SGCD: variants seen among roughly 807,000 people sequenced by gnomAD.
The protein encoded by SGCD is sarcoglycan delta.
SGCD carries 18 observed loss-of-function variants against 36.6 expected under a neutral mutation model. The observed-to-expected ratio is 0.49, with a 90% CI of 0.34 to 0.73. The LOEUF is 0.73. SGCD is among the 30% of genes least tolerant of loss of function. SGCD has a pLI of 0.01. For missense variants in SGCD, 387 were observed against 346.7 expected (o/e 1.12, Z -0.92); for synonymous variants, 133 against 130.6 (o/e 1.02, Z -0.12).
At chr5:156,258,232 T>A (rs1172014195) in intron 3 of SGCD, among the ~76,000 whole-genome samples, 1 of 152,212 alleles carries the variant, frequency 6.6e-6, no homozygotes, top group Non-Finnish European at 1.5e-5. Flanking sequence ...ACTCATGCTC[T>A]TTCCTGATGA....
intron 7 of SGCD, among the ~76,000 whole-genome samples, chr5:156,753,898 G>A (rs911656595): frequency 2.6e-5 from 4 of 152,186 alleles, no homozygotes; most frequent in Non-Finnish European, 5.9e-5. Context: ...CCATATCAAG[G>A]AGCTTTATCT....
intron 4 of SGCD, among the ~76,000 whole-genome samples, chr5:156,584,398 T>C (rs1760407586): frequency 6.6e-6 from 1 of 152,216 alleles, no homozygotes; most frequent in Non-Finnish European, 1.5e-5. Context: ...CTATGCCCCC[T>C]GGTAGTTTGT....
In SGCD at chr5:156,337,493, A is replaced by G. The variant is rs540434142; in HGVS notation, c.4-6996A>G. ...TCACCCTCTCCTCTGAGCTCATTCA[A>G]TCCAACTCTTGAGCTTCAGTTCTTC... On this transcript the variant is annotated intron_variant, in intron 2 of 8. Transcript: ENST00000337851. Among the ~76,000 whole-genome samples, 16 of 152,156 alleles carry G rather than the reference A, an allele frequency of 1.1e-4. No individual in the cohort carries two copies. In the South Asian group the frequency reaches 2.9e-3, roughly 28 times the overall value.
At chr5:156,736,059 C>G (rs1156489047) in intron 7 of SGCD, among the ~76,000 whole-genome samples, 2 of 152,146 alleles carry the variant, frequency 1.3e-5, no homozygotes, top group African/African-American at 4.8e-5. Flanking sequence ...CTTGGCTCCA[C>G]ATTCTGCTCC....
At chr5:155,779,603 A>G in the SGCD span, among the ~76,000 whole-genome samples, 69 of 152,162 alleles carry the variant, frequency 4.5e-4, no homozygotes, top group South Asian at 9.3e-3. Context: ...GTCTGTGTTG[A>G]CCATCCTGCA....
intron 1 of SGCD, among the ~76,000 whole-genome samples, chr5:156,041,711 T>A (rs1759639061): frequency 6.6e-6 from 1 of 152,150 alleles, no homozygotes; most frequent in Admixed American, 6.5e-5. Flanking sequence ...GAGGCATGTG[T>A]TGCAGGGCAT....
At chr5:156,077,576 T>C (rs928718803) in intron 1 of SGCD, among the ~76,000 whole-genome samples, 7 of 152,132 alleles carry the variant, frequency 4.6e-5, no homozygotes, top group African/African-American at 1.7e-4. Context: ...TTGTGGAGTT[T>C]TCACTTTTGA....
At chr5:155,981,361 T>C (rs1169463423) in intron 1 of SGCD, among the ~76,000 whole-genome samples, 1 of 152,120 alleles carries the variant, frequency 6.6e-6, no homozygotes, top group Non-Finnish European at 1.5e-5. Flanking sequence ...GTATAATTGG[T>C]TAAACTGCTG....
intron 3 of SGCD, among the ~76,000 whole-genome samples, chr5:156,214,007 A>G (rs963933509): frequency 6.6e-6 from 1 of 152,026 alleles, no homozygotes; most frequent in Non-Finnish European, 1.5e-5. Context: ...CATTCTCAGT[A>G]ATAAATAGTT....
At chr5:156,388,374 A>G (rs908758334) in intron 3 of SGCD, among the ~76,000 whole-genome samples, 11 of 152,202 alleles carry the variant, frequency 7.2e-5, no homozygotes, top group African/African-American at 1.4e-4. Flanking sequence ...GAGTCATTCA[A>G]CGACCAGATG....
intron 1 of SGCD, among the ~76,000 whole-genome samples, chr5:156,035,484 C>G (rs910227655): frequency 1.3e-5 from 2 of 152,020 alleles, no homozygotes; most frequent in Non-Finnish European, 2.9e-5. Flanking sequence ...GTGGCACATG[C>G]CTATATTTGC....
intron 7 of SGCD, among the ~76,000 whole-genome samples, chr5:156,686,497 T>C (rs1275566010): frequency 6.6e-6 from 1 of 152,224 alleles, no homozygotes; most frequent in Non-Finnish European, 1.5e-5. Context: ...AGTAGAACCC[T>C]GATGGATAGT....
chr5:156,703,029 C>T (rs893561711), intron 7 of SGCD, among the ~76,000 whole-genome samples: 4 of 152,168 alleles, frequency 2.6e-5, no homozygotes, highest in African/African-American at 9.7e-5. Context: ...TTTAGGCATC[C>T]ATCTGGGCAC....
At chr5:155,841,034 A>AGCCGTGGGCT in the SGCD span, among the ~76,000 whole-genome samples, 1 of 133,578 alleles carries the variant, frequency 7.5e-6, no homozygotes, top group Non-Finnish European at 1.5e-5. Context: ...AAAAAAAAAG[A>AGCCGTGGGCT]CTGGGGCACT....
the SGCD span, among the ~76,000 whole-genome samples, chr5:155,785,115 T>C: frequency 6.6e-6 from 1 of 152,118 alleles, no homozygotes; most frequent in African/African-American, 2.4e-5. Context: ...CAAAACTCTT[T>C]GTGGTAATGA....
At chr5:156,645,722 C>G (rs1763201186) in intron 6 of SGCD, among the ~76,000 whole-genome samples, 1 of 152,210 alleles carries the variant, frequency 6.6e-6, no homozygotes, top group East Asian at 1.9e-4. Context: ...GAAAAATTTC[C>G]TGACTTCCCT....
chr5:156,363,056 A>G (rs1190964233), intron 3 of SGCD, among the ~76,000 whole-genome samples: 2 of 151,358 alleles, frequency 1.3e-5, no homozygotes, highest in African/African-American at 2.4e-5. Flanking sequence ...TTAATGGGTG[A>G]GTAGGGTTTT....
chr5:156,270,579 C>T (rs991500899), intron 3 of SGCD, among the ~76,000 whole-genome samples: 2 of 152,090 alleles, frequency 1.3e-5, no homozygotes, highest in Non-Finnish European at 2.9e-5. Flanking sequence ...TTACCATGGT[C>T]GTTTAGTAAT....
chr5:156,358,272 G>T (rs1200364542), intron 3 of SGCD, among the ~76,000 whole-genome samples: 1 of 152,176 alleles, frequency 6.6e-6, no homozygotes, highest in South Asian at 2.1e-4. Context: ...ATGCTTTATA[G>T]TTCATATAAG....
Sources: allele counts gnomAD v4.1 joint callset (sites outside exome capture counted in the v4.1 genomes callset), GRCh38; gene constraint gnomAD v4.1.1; transcripts MANE v1.5; gene names NCBI Gene and HGNC (gene_info 2026-07-23, HGNC 2026-07-21).